PABPC4: variants seen among roughly 807,000 people sequenced by gnomAD.
PABPC4 encodes poly(A) binding protein cytoplasmic 4.
Under a neutral mutation model 74.5 loss-of-function variants are expected in PABPC4, and 15 were observed. The observed-to-expected ratio is 0.20, with a 90% CI of 0.13 to 0.31. The LOEUF is 0.31. Among genes scored for constraint, PABPC4 ranks in the 10% least tolerant of loss-of-function variants. The probability of loss-of-function intolerance (pLI) is 1.00; values close to 1 mark genes in which losing one functional copy is unlikely to be tolerated. For synonymous variants in PABPC4, 345 were observed against 303.0 expected, an observed-to-expected ratio of 1.14 and a Z score of -1.44; for missense variants, 610 against 853.5, an observed-to-expected ratio of 0.71 and a Z score of 3.55.
Position 39,571,224 on chromosome 1 carries a change from G to A in PABPC4, c.503+10C>T. The A allele has an allele frequency of 6.2e-7, 1 of 1,613,946 alleles. No homozygotes were observed. The highest frequency in any genetic ancestry group is 2.2e-5 in the East Asian group (1 of 44,886). ...ATGCGATGGTTGTTGCTCCGGACTG[G>A]GACACTCACACTTTGCGGTCATTGA... On this transcript the variant is annotated intron_variant, in intron 3 of 15. Coordinates refer to ENST00000372858, the MANE Select transcript of PABPC4 (RefSeq NM_001135653.2).
chr1:39,565,001 T>C (rs965864702), intron 8 of PABPC4, 105 bp downstream of exon 8: 2 of 1,250,764 alleles, frequency 1.6e-6, no homozygotes, highest in Non-Finnish European at 2.3e-6. Flanking sequence ...GGGTCCTTAT[T>C]GTGACATTCT....
chr1:39,564,600 G>A, intron 9 of PABPC4, 58 bp from the exon 10 acceptor site: 1 of 1,611,602 alleles, frequency 6.2e-7, no homozygotes, highest in Non-Finnish European at 8.5e-7. Context: ...AACCTAGGCT[G>A]TGCCTCAGAG....
intron 7 of PABPC4, chr1:39,567,391 A>G (rs1186482093): frequency 1.9e-6 from 1 of 524,544 alleles, no homozygotes; most frequent in Non-Finnish European, 3.8e-6. Context: ...GCAGAGCTGT[A>G]GAGACAGGCC....
chr1:39,563,408 G>C (rs1645791070), intron 12 of PABPC4: 3 of 579,696 alleles, frequency 5.2e-6, no homozygotes, highest in Non-Finnish European at 8.7e-6. Flanking sequence ...AGGCATTTCT[G>C]AGTGAACTGG....
intron 1 of PABPC4, among the ~76,000 whole-genome samples, chr1:39,575,132 T>C (rs1459368329): frequency 2.0e-5 from 3 of 152,190 alleles, no homozygotes. Flanking sequence ...ATACCATTTG[T>C]CCAGAGTAAA....
Position 39,563,608 on chromosome 1 carries a change from C to T in PABPC4, c.1668+6G>A. The T allele has an allele frequency of 3.7e-6, 6 of 1,610,354 alleles. No homozygotes were observed. The highest frequency in any genetic ancestry group is 5.1e-6 in the Non-Finnish European group (6 of 1,178,318). ...CCTTTTAAGCATTCTGTCTGGTGAA[C>T]CTCACCTGCAGAGGCTGTATGGCAG... On this transcript the variant is annotated splice_donor_region_variant and intron_variant, in intron 12 of 15. Coordinates refer to ENST00000372858, the MANE Select transcript of PABPC4 (RefSeq NM_001135653.2).
intron 3 of PABPC4, 148 bp from the exon 4 acceptor site, chr1:39,570,150 G>A: frequency 1.3e-6 from 1 of 748,122 alleles, no homozygotes; most frequent in Non-Finnish European, 2.2e-6. Context: ...GATACCCCAA[G>A]TCCCCAGCAG....
intron 2 of PABPC4, among the ~76,000 whole-genome samples, chr1:39,571,977 T>C (rs1338466024): frequency 6.6e-6 from 1 of 152,230 alleles, no homozygotes; most frequent in Non-Finnish European, 1.5e-5. Flanking sequence ...CAGTGTAGTA[T>C]GGCATTAAAC....
In PABPC4 at chr1:39,562,347, G is replaced by A. The variant is rs758962869; in HGVS notation, c.1738C>T (p.Pro580Ser). 1.2e-6 allele frequency: 2 copies of A among 1,614,000 alleles called. No homozygotes were observed. Among genetic ancestry groups the A allele is most frequent in the Non-Finnish European group, 1.7e-6 (2 of 1,180,034 alleles). ...LTASMLAAAPPQEQKQMLGER... is the reference protein window; with the variant it reads ...LTASMLAAAPSQEQKQMLGER... Reference sequence around the variant, plus strand: ...CCCAGCATCTGCTTCTGTTCCTGGGGGGGTGCTGCAGCCAGCATGGAGGCA... The same window carrying A: ...CCCAGCATCTGCTTCTGTTCCTGGGAGGGTGCTGCAGCCAGCATGGAGGCA... Residue 580 changes from proline (P) to serine (S), a missense_variant, in exon 13 of 16, where the codon CCC (proline) becomes TCC (serine). Coordinates refer to ENST00000372858, the MANE Select transcript of PABPC4 (RefSeq NM_001135653.2).
intron 1 of PABPC4, among the ~76,000 whole-genome samples, chr1:39,575,254 C>T (rs1646007172): frequency 1.3e-5 from 2 of 152,202 alleles, no homozygotes; most frequent in Non-Finnish European, 2.9e-5. Context: ...AGAAACCTTC[C>T]CCCTGCTTCC....
At chr1:39,564,042 A>G in intron 10 of PABPC4, 120 bp from the exon 11 acceptor site, 1 of 809,188 alleles carries the variant, frequency 1.2e-6, no homozygotes, top group South Asian at 1.6e-5. Context: ...GGCCACTACT[A>G]CTTTCGAGGA....
chr1:39,568,010 C>T, intron 6 of PABPC4, 164 bp from the exon 7 acceptor site: 1 of 528,012 alleles, frequency 1.9e-6, no homozygotes, highest in Non-Finnish European at 3.4e-6. Flanking sequence ...GTAATCCCAG[C>T]ACTTTGGGAG....
chr1:39,566,654 C>T (rs1045479511), intron 7 of PABPC4, among the ~76,000 whole-genome samples: 1 of 152,184 alleles, frequency 6.6e-6, no homozygotes, highest in Non-Finnish European at 1.5e-5. Flanking sequence ...TAACTCTCTA[C>T]CAATGAGATG....
chr1:39,574,221 C>G (rs1188781166), intron 1 of PABPC4, among the ~76,000 whole-genome samples: 5 of 152,214 alleles, frequency 3.3e-5, no homozygotes, highest in Non-Finnish European at 7.3e-5. Context: ...CAAGACCGAT[C>G]CAAGTCAGGA....
chr1:39,573,788 C>T (rs1645976329), intron 1 of PABPC4, among the ~76,000 whole-genome samples: 1 of 152,174 alleles, frequency 6.6e-6, no homozygotes, highest in African/African-American at 2.4e-5. Flanking sequence ...CATTGCACTC[C>T]AGCCTGGGCA....
intron 12 of PABPC4, chr1:39,562,677 A>C: frequency 2.5e-6 from 1 of 399,910 alleles, no homozygotes. Flanking sequence ...TAATAAAACA[A>C]ACCTATAGTG....
Position 39,562,311 on chromosome 1 carries a change from T to G in PABPC4, c.1762+12A>C. On this transcript the variant is annotated intron_variant, in intron 13 of 15. Coordinates refer to ENST00000372858, the MANE Select transcript of PABPC4 (RefSeq NM_001135653.2). ...GGGACCCTCTTCTTCTGCAAGCAAG[T>G]GGGTCACTCACCCAGCATCTGCTTC... The G allele has an allele frequency of 1.2e-6, 2 of 1,612,656 alleles. No individual in the cohort carries two copies. The highest frequency in any genetic ancestry group is 1.7e-6 in the Non-Finnish European group (2 of 1,178,810).
chr1:39,575,763 G>C lies in PABPC4; in HGVS notation c.189C>G (p.Ala63=), dbSNP rs1032256424. The change falls in exon 1 of 16, where the codon GCC becomes GCG. Residue 63 remains alanine, a synonymous_variant. Transcript: ENST00000372858. ...GTGGGCACAGCTTCTACTCACCGTC[G>C]GCCGGCTGCTGGAAGTTGACGTAGG... ...GYAYVNFQQP[A]DAERALDTMN... The C allele has an allele frequency of 1.3e-6, 2 of 1,591,160 alleles. No homozygotes were observed. Among genetic ancestry groups the C allele is most frequent in the Admixed American group, 1.7e-5 (1 of 58,556 alleles).
rs746384243 is a variant in PABPC4 at position 39,571,746 on chromosome 1, G to A, written c.388-397C>T. 4.1e-5 allele frequency: 16 copies of A among 388,038 alleles called. 1 individual carries two copies. Among genetic ancestry groups the A allele is most frequent in the South Asian group, 2.7e-4 (14 of 52,730 alleles). 24.0% of individuals were successfully genotyped at this position (388,038 alleles called of 1,614,324 possible). On this transcript the variant is annotated intron_variant, in intron 2 of 15. Coordinates refer to ENST00000372858, the MANE Select transcript of PABPC4 (RefSeq NM_001135653.2). ...AAATTAAATGAGTGTGGTGGCACGTGCCTGTAGTTCCAGCTACTTGGGAGG... is the reference window on the plus strand; with the variant it reads ...AAATTAAATGAGTGTGGTGGCACGTACCTGTAGTTCCAGCTACTTGGGAGG...
Sources: allele counts gnomAD v4.1 joint callset (sites outside exome capture counted in the v4.1 genomes callset), GRCh38; gene constraint gnomAD v4.1.1; transcripts MANE v1.5; gene names NCBI Gene and HGNC (gene_info 2026-07-23, HGNC 2026-07-21).